OR56A3: variants seen among roughly 807,000 people sequenced by gnomAD.
The protein encoded by OR56A3 is olfactory receptor family 56 subfamily A member 3.
Under a neutral mutation model 17.5 loss-of-function variants are expected in OR56A3, and 23 were observed. The observed-to-expected ratio is 1.32, with a 90% CI of 0.95 to 1.87. The LOEUF (loss-of-function observed/expected upper bound fraction) is 1.87, where lower values mean the gene tolerates loss of function less well. OR56A3 is among the 40% of genes most tolerant of loss of function. OR56A3 has a pLI of 0.00. For synonymous variants in OR56A3, 175 were observed against 150.6 expected (o/e 1.16, Z -1.19); for missense variants, 366 against 380.1 (o/e 0.96, Z 0.31).
chr11:5,946,057 T>A (rs1847867681), intron 2 of OR56A3, among the ~76,000 whole-genome samples: 1 of 152,146 alleles, frequency 6.6e-6, no homozygotes, highest in Non-Finnish European at 1.5e-5. Context: ...GAGGGCCCCC[T>A]GAAGACCTGA....
chr11:5,967,862 G>C, the OR56A3 span: 1 of 1,571,052 alleles, frequency 6.4e-7, no homozygotes, highest in Non-Finnish European at 8.6e-7. Context: ...TGAGGTCAGA[G>C]CCCAGCAGGG....
the OR56A3 span, among the ~76,000 whole-genome samples, chr11:5,984,400 A>T: frequency 2.0e-5 from 3 of 152,224 alleles, no homozygotes; most frequent in African/African-American, 7.2e-5. Context: ...TTCAGGTTCA[A>T]GTCATGGTTG....
the OR56A3 span, among the ~76,000 whole-genome samples, chr11:5,964,775 C>T: frequency 6.6e-6 from 1 of 152,160 alleles, no homozygotes; most frequent in Non-Finnish European, 1.5e-5. Context: ...GCATGTAGGT[C>T]TCTCTGGTGC....
the OR56A3 span, among the ~76,000 whole-genome samples, chr11:6,007,271 C>T: frequency 3.3e-5 from 5 of 152,070 alleles, no homozygotes; most frequent in Non-Finnish European, 7.4e-5. Flanking sequence ...TTCACAGAAG[C>T]AAAGAGTAGA....
chr11:6,017,457 T>C, the OR56A3 span, among the ~76,000 whole-genome samples: 1 of 152,182 alleles, frequency 6.6e-6, no homozygotes, highest in Non-Finnish European at 1.5e-5. Flanking sequence ...ATCTGTCAGA[T>C]TAAGGGTAGA....
At chr11:5,979,508 G>A in the OR56A3 span, among the ~76,000 whole-genome samples, 1 of 152,056 alleles carries the variant, frequency 6.6e-6, no homozygotes, top group African/African-American at 2.4e-5. Flanking sequence ...TGTGTCTGTA[G>A]AGATGTTCAT....
the OR56A3 span, among the ~76,000 whole-genome samples, chr11:5,959,514 T>A: frequency 7.9e-5 from 12 of 152,166 alleles, no homozygotes; most frequent in African/African-American, 2.4e-4. Flanking sequence ...GTTTCCTTGC[T>A]ATTGAATTGT....
the OR56A3 span, among the ~76,000 whole-genome samples, chr11:5,964,298 G>C: frequency 6.6e-6 from 1 of 152,134 alleles, no homozygotes; most frequent in Non-Finnish European, 1.5e-5. Flanking sequence ...GATCCTTATG[G>C]TTATAAGTTG....
the OR56A3 span, chr11:5,994,504 T>C: frequency 3.7e-6 from 3 of 810,796 alleles, no homozygotes; most frequent in South Asian, 4.0e-5. Flanking sequence ...GTAGGCCTTT[T>C]ACTTCCTTTT....
the OR56A3 span, chr11:5,999,338 A>G: frequency 6.6e-6 from 1 of 152,200 alleles, no homozygotes; most frequent in African/African-American, 2.4e-5. Context: ...AATAATGATA[A>G]ATCATTCAAT....
the OR56A3 span, among the ~76,000 whole-genome samples, chr11:5,982,514 C>G: frequency 1.3e-5 from 2 of 152,082 alleles, no homozygotes; most frequent in African/African-American, 4.8e-5. Flanking sequence ...GCACATGGAG[C>G]CATGCTGGGA....
the OR56A3 span, chr11:6,002,939 G>A: frequency 6.8e-6 from 11 of 1,613,872 alleles, no homozygotes; most frequent in South Asian, 4.4e-5. Flanking sequence ...TGGGGAAGCA[G>A]ATGAGGAGGA....
At chr11:5,973,518 AC>A in the OR56A3 span, among the ~76,000 whole-genome samples, 1 of 151,854 alleles carries the variant, frequency 6.6e-6, no homozygotes, top group African/African-American at 2.4e-5. Context: ...ATTTAGAACC[AC>A]CTTTTTTCAG....
chr11:5,947,391 C>T lies in OR56A3; in HGVS notation c.45C>T (p.Asp15=). Residue 15 remains aspartate (D), a synonymous_variant, in exon 3 of 3, where the codon GAC becomes GAT. Transcript: ENST00000641160. ...RNDTLSTEAS[D]FLLNCFVRSP... is the part of the protein sequence containing the mutation. Reference sequence around the variant, plus strand: ...ACACCCTCTCCACTGAAGCTTCAGACTTCCTCTTGAATTGTTTTGTCAGAT... The same window carrying T: ...ACACCCTCTCCACTGAAGCTTCAGATTTCCTCTTGAATTGTTTTGTCAGAT... 6.2e-7 allele frequency: 1 copy of T among 1,613,514 alleles called. No homozygotes were observed.
the OR56A3 span, among the ~76,000 whole-genome samples, chr11:6,007,430 G>A: frequency 1.3e-5 from 2 of 152,174 alleles, no homozygotes; most frequent in Non-Finnish European, 2.9e-5. Flanking sequence ...GTTAAAATTT[G>A]CTAAGACAAT....
the OR56A3 span, among the ~76,000 whole-genome samples, chr11:5,979,318 G>C: frequency 2.0e-5 from 3 of 151,970 alleles, no homozygotes; most frequent in South Asian, 6.2e-4. Flanking sequence ...TACACATCTT[G>C]AAGAATTCAT....
chr11:6,013,954 C>G, the OR56A3 span, among the ~76,000 whole-genome samples: 1 of 152,166 alleles, frequency 6.6e-6, no homozygotes, highest in African/African-American at 2.4e-5. Context: ...TGCATGCTAC[C>G]CAGAGGCCCA....
the OR56A3 span, among the ~76,000 whole-genome samples, chr11:5,971,746 C>T: frequency 3.3e-5 from 5 of 152,174 alleles, no homozygotes; most frequent in Non-Finnish European, 7.3e-5. Context: ...AAATGGATAA[C>T]TTTTACTCTG....
the OR56A3 span, among the ~76,000 whole-genome samples, chr11:6,004,971 T>C: frequency 0.011 from 1,663 of 152,262 alleles, 26 homozygotes; most frequent in African/African-American, 0.037. Context: ...TGCAATACAG[T>C]TGTGGCTCTA....
Sources: allele counts gnomAD v4.1 joint callset (sites outside exome capture counted in the v4.1 genomes callset), GRCh38; gene constraint gnomAD v4.1.1; transcripts MANE v1.5; gene names NCBI Gene and HGNC (gene_info 2026-07-23, HGNC 2026-07-21).